Variants in GMPS observed in about 807,000 individuals in gnomAD.
GMPS encodes the protein GMP synthase [glutamine-hydrolyzing].
Under a neutral mutation model 77.9 loss-of-function variants are expected in GMPS, and 15 were observed. The observed-to-expected ratio is 0.19, with a 90% confidence interval of 0.13 to 0.30. The LOEUF (loss-of-function observed/expected upper bound fraction) is 0.30, where lower values mean the gene tolerates loss of function less well. GMPS is among the 10% of genes least tolerant of loss of function. GMPS has a pLI of 1.00. For synonymous variants in GMPS, 224 were observed against 275.9 expected, an observed-to-expected ratio of 0.81 and a Z score of 1.86; for missense variants, 590 against 838.8, an observed-to-expected ratio of 0.70 and a Z score of 3.66.
chr3:155,933,803 C>G (rs777463370), intron 13 of GMPS, among the ~76,000 whole-genome samples: 10 of 152,162 alleles, frequency 6.6e-5, no homozygotes, highest in African/African-American at 9.7e-5. Context: ...CTCTTGTTTT[C>G]TGGGTGAAGA....
intron 1 of GMPS, among the ~76,000 whole-genome samples, chr3:155,876,732 T>A (rs752926445): frequency 6.6e-6 from 1 of 152,212 alleles, no homozygotes; most frequent in African/African-American, 2.4e-5. Flanking sequence ...TATTTAAAAT[T>A]TGGCTAAAAT....
At chr3:155,901,330 T>A (rs1219697011) in intron 3 of GMPS, among the ~76,000 whole-genome samples, 1 of 152,206 alleles carries the variant, frequency 6.6e-6, no homozygotes, top group Non-Finnish European at 1.5e-5. Context: ...TTCATGTTAG[T>A]ACATTTTATT....
intron 1 of GMPS, among the ~76,000 whole-genome samples, chr3:155,881,630 A>C (rs80151534): frequency 6.6e-6 from 1 of 152,240 alleles, no homozygotes; most frequent in Non-Finnish European, 1.5e-5. Flanking sequence ...GCATACAAAC[A>C]TAAGCACTTA....
intron 1 of GMPS, among the ~76,000 whole-genome samples, chr3:155,871,991 C>T (rs547177372): frequency 6.6e-6 from 1 of 152,234 alleles, no homozygotes; most frequent in East Asian, 1.9e-4. Flanking sequence ...TTTTGAATTG[C>T]GATTTACTTC....
chr3:155,884,378 T>C (rs1286254023), intron 1 of GMPS, among the ~76,000 whole-genome samples: 1 of 146,880 alleles, frequency 6.8e-6, no homozygotes, highest in Non-Finnish European at 1.5e-5. Context: ...AGAGCGAGAC[T>C]CTGCCTCCAG....
chr3:155,915,238 G>A (rs114329984), intron 8 of GMPS, among the ~76,000 whole-genome samples: 1 of 133,186 alleles, frequency 7.5e-6, no homozygotes, highest in Non-Finnish European at 1.6e-5. Context: ...CTTTGTTTTT[G>A]TTTTTTTTTT....
Position 155,914,436 on chromosome 3 carries a change from T to G in GMPS, c.904T>G (p.Ser302Ala), listed in dbSNP as rs764682728. The change falls in exon 8 of 16, where the codon TCT becomes GCT. Residue 302 changes from serine to alanine, a missense_variant. By Grantham distance (99) the Ser-to-Ala change is moderately conservative (BLOSUM62 1). Coordinates refer to ENST00000496455, the MANE Select transcript of GMPS (RefSeq NM_003875.3). ...IQVKVINAAH[S>A]FYNGTTTLPI... is the part of the protein sequence containing the mutation. ...TCCTCCAGTGATAAATGCTGCTCATTCTTTCTACAATGGAACAACAACCCT... is the reference window on the plus strand; with the variant it reads ...TCCTCCAGTGATAAATGCTGCTCATGCTTTCTACAATGGAACAACAACCCT... The G allele has an allele frequency of 4.4e-6, 7 of 1,573,290 alleles. No individual in the cohort carries two copies. In the South Asian group the frequency reaches 8.5e-5, roughly 19 times the overall value.
Position 155,919,248 on chromosome 3 carries a change from C to G in GMPS, c.1228C>G (p.Pro410Ala). ...KLREEGKVIE[P>A]LKDFHKDEVR... ...CTCCCTGTAGGGAAAAGTAATAGAA[C>G]CTCTGAAAGATTTTCATAAAGATGA... The change falls in exon 10 of 16, where the codon CCT (proline) becomes GCT (alanine). Residue 410 changes from proline to alanine, a missense_variant. Pro to Ala is a conservative substitution (Grantham distance 27, BLOSUM62 -1). Transcript: ENST00000496455. 1 of 1,557,258 alleles carries G rather than the reference C, an allele frequency of 6.4e-7. No individual in the cohort carries two copies. Among genetic ancestry groups the G allele is most frequent in the African/African-American group, 1.4e-5 (1 of 74,036 alleles).
chr3:155,888,394 C>T (rs1325059449), intron 1 of GMPS, among the ~76,000 whole-genome samples: 1 of 151,864 alleles, frequency 6.6e-6, no homozygotes, highest in Non-Finnish European at 1.5e-5. Context: ...TGCTTATTCT[C>T]ATAGAGACAT....
chr3:155,939,802 C>G lies in GMPS; in HGVS notation c.*2110C>G, dbSNP rs999646067. On this transcript the variant is annotated 3_prime_UTR_variant, in exon 16 of 16. Transcript: ENST00000496455. ...ATATTTAGCACACTGTCTTCTTTTG[C>G]ACAGCACTTTTTGCTTTGTGCCATA... The G allele has an allele frequency of 2.5e-5, 5 of 198,894 alleles. No individual in the cohort carries two copies. Among genetic ancestry groups the G allele is most frequent in the Non-Finnish European group, 5.2e-5 (5 of 96,148 alleles). 12.3% of individuals were successfully genotyped at this position (198,894 alleles called of 1,614,324 possible). A position where few individuals can be genotyped will look rare whatever the true frequency, so the allele number is the denominator to read the frequency against.
In GMPS at chr3:155,925,237, T is replaced by C; in HGVS notation, c.1435-4T>C. The C allele has an allele frequency of 6.3e-7, 1 of 1,598,798 alleles. No homozygotes were observed. The highest frequency in any genetic ancestry group is 1.1e-5 in the South Asian group (1 of 87,374). ...TGAAAAAATGCCTCTTTGGTTTTTC[T>C]CAGCCACATACCCTATTACAGAGAG... is the stretch of plus-strand genomic sequence containing the variant. On this transcript the variant is annotated splice_polypyrimidine_tract_variant and splice_region_variant and intron_variant, in intron 11 of 15. Transcript: ENST00000496455.
chr3:155,935,332 G>A (rs530347374), intron 14 of GMPS, among the ~76,000 whole-genome samples: 4 of 152,126 alleles, frequency 2.6e-5, no homozygotes, highest in East Asian at 1.9e-4. Flanking sequence ...ACAGGCACCC[G>A]CCACCACACC....
intron 5 of GMPS, among the ~76,000 whole-genome samples, chr3:155,908,246 C>T (rs958795856): frequency 1.3e-5 from 2 of 152,156 alleles, no homozygotes; most frequent in Non-Finnish European, 2.9e-5. Flanking sequence ...ACCAGCCTGC[C>T]TACTGGGAGA....
chr3:155,922,722 A>C (rs912162240), intron 11 of GMPS, among the ~76,000 whole-genome samples: 11 of 152,222 alleles, frequency 7.2e-5, no homozygotes, highest in African/African-American at 2.7e-4. Context: ...ACTGGGTCCA[A>C]GAAGGGCCAG....
rs555202458 is a variant in GMPS at position 155,918,045 on chromosome 3, T to A, written c.1213-1188T>A. On this transcript the variant is annotated intron_variant, in intron 9 of 15. Transcript: ENST00000496455. ...TTGAGGAACTTATTGTCCATAGCAA[T>A]TGCACCATTTTACAATCTAACCAAA... 3.3e-5 allele frequency among the ~76,000 whole-genome samples: 5 copies of A among 152,348 alleles called. No individual in the cohort carries two copies. The East Asian group carries it at 9.6e-4, about 29-fold the overall frequency.
At chr3:155,870,117 T>C (rs1018260798), upstream of GMPS, among the ~76,000 whole-genome samples, 7 of 152,222 alleles carry the variant, frequency 4.6e-5, no homozygotes, top group African/African-American at 1.7e-4. Flanking sequence ...ACTTTTGAAG[T>C]ATCTAAGTGA....
chr3:155,873,914 C>T (rs1222720178), intron 1 of GMPS, among the ~76,000 whole-genome samples: 3 of 152,066 alleles, frequency 2.0e-5, no homozygotes, highest in Admixed American at 6.6e-5. Context: ...GGATTACAGG[C>T]GTGAGCCACC....
chr3:155,905,104 C>T (rs1259091486), intron 4 of GMPS, among the ~76,000 whole-genome samples: 1 of 152,028 alleles, frequency 6.6e-6, no homozygotes, highest in Non-Finnish European at 1.5e-5. Context: ...TCACTGCAAC[C>T]TCCACCTCCC....
chr3:155,942,268 T>C lies in GMPS; in HGVS notation c.*4576T>C, dbSNP rs1183936805. 1 of 183,022 alleles carries C rather than the reference T, an allele frequency of 5.5e-6. No individual in the cohort carries two copies. The highest frequency in any genetic ancestry group is 1.2e-5 in the Non-Finnish European group (1 of 86,294). 11.3% of individuals were successfully genotyped at this position (183,022 alleles called of 1,614,324 possible). On this transcript the variant is annotated 3_prime_UTR_variant, in exon 16 of 16. Transcript: ENST00000496455. ...CGCCCGGCTAATTTTTTTGTACTTT[T>C]TAGTAGAGACAGGGTTTCACTGTGT...
Sources: gnomAD v4.1 joint callset for allele counts (sites outside exome capture counted in the v4.1 genomes callset) on GRCh38, gnomAD v4.1.1 for gene constraint, MANE v1.5 for transcripts, NCBI Gene and HGNC (gene_info 2026-07-23, HGNC 2026-07-21) for gene names.